Variants in SEPTIN7 observed in about 807,000 individuals in gnomAD.
The protein encoded by SEPTIN7 is septin 7.
In SEPTIN7, 10 loss-of-function variants were observed where a neutral mutation model predicts 63.3. The observed-to-expected ratio is 0.16, with a 90% CI of 0.10 to 0.27. The LOEUF (loss-of-function observed/expected upper bound fraction) is 0.27, where lower values mean the gene tolerates loss of function less well. SEPTIN7 is among the 10% of genes least tolerant of loss of function. The pLI, the probability that SEPTIN7 is intolerant of heterozygous loss-of-function variation, is 1.00. For synonymous variants in SEPTIN7, 131 were observed against 165.3 expected (o/e 0.79, Z 1.59); for missense variants, 310 against 521.0 (o/e 0.59, Z 3.94).
At chr7:35,858,097 C>T (rs367593668) in intron 3 of SEPTIN7, among the ~76,000 whole-genome samples, 13 of 151,772 alleles carry the variant, frequency 8.6e-5, no homozygotes, top group African/African-American at 3.1e-4. Flanking sequence ...CATGTGCCAC[C>T]GGGACAGGGT....
intron 4 of SEPTIN7, among the ~76,000 whole-genome samples, 160 bp downstream of exon 4, chr7:35,863,818 G>T (rs1424191625): frequency 2.7e-5 from 4 of 150,362 alleles, no homozygotes; most frequent in South Asian, 4.3e-4. Flanking sequence ...AAAAAAAAAA[G>T]TACAGTTCAT....
downstream of SEPTIN7, among the ~76,000 whole-genome samples, chr7:35,910,700 G>T (rs948544533): frequency 6.6e-6 from 1 of 152,122 alleles, no homozygotes; most frequent in Non-Finnish European, 1.5e-5. Flanking sequence ...AACAAAAAAG[G>T]GGGAGAAACA....
chr7:35,906,842 TAGA>T lies in SEPTIN7; in HGVS notation c.*2552_*2554del, dbSNP rs1788628294. 6.6e-6 allele frequency: 1 copy of T among 151,988 alleles called. No homozygotes were observed. The highest frequency in any genetic ancestry group is 2.4e-5 in the African/African-American group (1 of 41,356). The allele number at this position is 151,988 out of a possible 1,614,324, so 9.4% of individuals were successfully genotyped here. On this transcript the variant is annotated 3_prime_UTR_variant, in exon 14 of 14. Transcript: ENST00000350320. ...TTTGTCCTCTTGGAGAAACTAGGAG[TAGA>T]AGTCAGGATATGGTAGGTAAGGGGG...
chr7:35,843,976 T>C (rs1325319362), intron 3 of SEPTIN7, among the ~76,000 whole-genome samples: 1 of 152,210 alleles, frequency 6.6e-6, no homozygotes, highest in Non-Finnish European at 1.5e-5. Flanking sequence ...ATAAATTGTT[T>C]ATTATGTTAC....
chr7:35,842,967 A>T (rs1784483656), intron 3 of SEPTIN7, among the ~76,000 whole-genome samples: 2 of 152,128 alleles, frequency 1.3e-5, no homozygotes, highest in African/African-American at 4.8e-5. Flanking sequence ...TGTATTGAAA[A>T]ATATAAGTGC....
chr7:35,915,557 T>G, the SEPTIN7 span, among the ~76,000 whole-genome samples: 2 of 152,372 alleles, frequency 1.3e-5, no homozygotes, highest in East Asian at 3.9e-4. Context: ...TCTGCTTTCC[T>G]AGTTTCCTGT....
intron 3 of SEPTIN7, 43 bp from the exon 4 acceptor site, chr7:35,863,508 TA>T: frequency 8.3e-7 from 1 of 1,201,346 alleles, no homozygotes; most frequent in Non-Finnish European, 1.2e-6. Flanking sequence ...TAAGATTGCG[TA>T]AAGTGGGTGA....
intron 10 of SEPTIN7, among the ~76,000 whole-genome samples, chr7:35,887,831 C>T (rs1272467989): frequency 6.6e-6 from 1 of 152,176 alleles, no homozygotes; most frequent in Non-Finnish European, 1.5e-5. Context: ...TTTAATTTAG[C>T]TCATGTCTTT....
chr7:35,873,630 GC>G lies in SEPTIN7; in HGVS notation c.378-10del. 6.2e-7 allele frequency: 1 copy of G among 1,602,938 alleles called. No homozygotes were observed. On this transcript the variant is annotated splice_polypyrimidine_tract_variant and intron_variant, in intron 5 of 13. Transcript: ENST00000350320. Reference sequence around the variant, plus strand: ...GAATTGCAGCTTGTTTTGTTTATTTGCGTTCTATAGCTGGCAGCCTGTTATC... The same window carrying G: ...GAATTGCAGCTTGTTTTGTTTATTTGGTTCTATAGCTGGCAGCCTGTTATC...
intron 3 of SEPTIN7, among the ~76,000 whole-genome samples, chr7:35,839,874 T>G (rs1188284950): frequency 6.6e-6 from 1 of 152,168 alleles, no homozygotes; most frequent in Non-Finnish European, 1.5e-5. Flanking sequence ...TTTTTACTGA[T>G]GGACACTAGG....
intron 4 of SEPTIN7, among the ~76,000 whole-genome samples, chr7:35,866,607 A>G (rs901181375): frequency 6.6e-6 from 1 of 152,328 alleles, no homozygotes; most frequent in Middle Eastern, 3.4e-3. Context: ...TAAAGGAGAT[A>G]TTCATTCACA....
intron 3 of SEPTIN7, among the ~76,000 whole-genome samples, chr7:35,846,281 C>T (rs1784661978): frequency 6.6e-6 from 1 of 152,146 alleles, no homozygotes; most frequent in Admixed American, 6.5e-5. Flanking sequence ...CTTAGCCTGC[C>T]TCCCATTGTT....
intron 3 of SEPTIN7, among the ~76,000 whole-genome samples, chr7:35,848,493 A>G (rs1405809434): frequency 6.6e-6 from 1 of 151,944 alleles, no homozygotes; most frequent in Non-Finnish European, 1.5e-5. Context: ...GATGGTCTTG[A>G]TCTCCTGACC....
chr7:35,817,988 C>A lies in SEPTIN7; in HGVS notation c.62-13504C>A, dbSNP rs565658221. On this transcript the variant is annotated intron_variant, in intron 1 of 13. Coordinates refer to ENST00000350320, the MANE Select transcript of SEPTIN7 (RefSeq NM_001788.6). ...TTTACAATCTAGATACATTTTATTT[C>A]TTTATTTTACCAAATGCCTTTTCTG... Among the ~76,000 whole-genome samples, 181 of 151,476 alleles carry A rather than the reference C, an allele frequency of 1.2e-3. 1 individual carries two copies. Among genetic ancestry groups the A allele is most frequent in the Non-Finnish European group, 1.8e-3 (123 of 67,754 alleles).
At chr7:35,849,614 A>G (rs1784859643) in intron 3 of SEPTIN7, among the ~76,000 whole-genome samples, 1 of 152,156 alleles carries the variant, frequency 6.6e-6, no homozygotes, top group Non-Finnish European at 1.5e-5. Flanking sequence ...AAAAAGTAAA[A>G]CAAAGAATAG....
At chr7:35,812,329 T>A (rs1788780054) in intron 1 of SEPTIN7, among the ~76,000 whole-genome samples, 1 of 135,510 alleles carries the variant, frequency 7.4e-6, no homozygotes, top group East Asian at 2.3e-4. Flanking sequence ...CACCCCCCCA[T>A]TTTTTTTTTT....
chr7:35,832,343 A>G (rs1282267870), intron 2 of SEPTIN7, among the ~76,000 whole-genome samples: 1 of 152,122 alleles, frequency 6.6e-6, no homozygotes, highest in East Asian at 1.9e-4. Context: ...CATTTCATGA[A>G]TAAGAAGACA....
intron 11 of SEPTIN7, among the ~76,000 whole-genome samples, chr7:35,891,733 AT>A (rs910749308): frequency 9.2e-5 from 14 of 152,118 alleles, no homozygotes; most frequent in African/African-American, 3.1e-4. Flanking sequence ...TACTAAATTT[AT>A]TTTTTAAATT....
rs1438673352 is a variant in SEPTIN7, at chr7:35,808,931, G to GTATCTAACAAATACACTAACTGTTAGTT, written c.61+7663_61+7690dup. ...TATTGATCTCTTCACATTTGTTAGT[G>GTATCTAACAAATACACTAACTGTTAGTT]TATCTAACAAATACACTAACTGTTA... On this transcript the variant is annotated intron_variant, in intron 1 of 13. Coordinates refer to ENST00000350320, the MANE Select transcript of SEPTIN7 (RefSeq NM_001788.6). 1.2e-4 allele frequency among the ~76,000 whole-genome samples: 18 copies of GTATCTAACAAATACACTAACTGTTAGTT among 152,216 alleles called. No individual in the cohort carries two copies. The East Asian group carries it at 3.3e-3, about 28-fold the overall frequency.
Sources: gnomAD v4.1 joint callset for allele counts (sites outside exome capture counted in the v4.1 genomes callset) on GRCh38, gnomAD v4.1.1 for gene constraint, MANE v1.5 for transcripts, NCBI Gene and HGNC (gene_info 2026-07-23, HGNC 2026-07-21) for gene names.